FARP1: variants seen among roughly 807,000 people sequenced by gnomAD.
FARP1 encodes the protein FERM, ARHGEF and pleckstrin domain-containing protein 1.
FARP1 carries 52 observed loss-of-function variants against 128.8 expected under a neutral mutation model. The ratio of observed to expected loss-of-function variants is 0.40; its 90% CI spans 0.32 to 0.51. The LOEUF (loss-of-function observed/expected upper bound fraction) is 0.51, where lower values mean the gene tolerates loss of function less well. Among genes scored for constraint, FARP1 ranks in the 20% least tolerant of loss-of-function variants. The pLI is 0.45. For missense variants in FARP1, 1,333 were observed against 1,367.9 expected (o/e 0.97, Z 0.40); for synonymous variants, 580 against 551.8 (o/e 1.05, Z -0.72).
intron 19 of FARP1, 151 bp downstream of exon 19, chr13:98,435,857 G>A (rs1185895494): frequency 2.5e-6 from 2 of 816,264 alleles, no homozygotes; most frequent in African/African-American, 3.4e-5. Flanking sequence ...ACACAACAGT[G>A]TCGTTAGTTC....
chr13:98,439,027 A>G, intron 20 of FARP1, 80 bp from the exon 21 acceptor site: 7 of 1,387,292 alleles, frequency 5.0e-6, no homozygotes, highest in Non-Finnish European at 7.1e-6. Context: ...CAGTGAAGGC[A>G]CAGTTGAGGA....
intron 2 of FARP1, among the ~76,000 whole-genome samples, chr13:98,225,983 T>C (rs753019469): frequency 3.5e-5 from 5 of 143,814 alleles, no homozygotes; most frequent in Non-Finnish European, 6.2e-5. Context: ...TGCCATAGCA[T>C]TGGGGGAGCA....
At chr13:98,290,457 GC>G (rs1312567289) in intron 2 of FARP1, among the ~76,000 whole-genome samples, 1 of 151,980 alleles carries the variant, frequency 6.6e-6, no homozygotes, top group African/African-American at 2.4e-5. Flanking sequence ...ACGTGCAAAG[GC>G]CCTGAGGTAG....
intron 2 of FARP1, among the ~76,000 whole-genome samples, chr13:98,309,328 G>C (rs575975353): frequency 0.044 from 6,498 of 146,458 alleles, 501 homozygotes; most frequent in African/African-American, 0.15. Flanking sequence ...CATCACGCCC[G>C]GCTATTTTTT....
intron 2 of FARP1, among the ~76,000 whole-genome samples, chr13:98,244,286 A>G (rs928545424): frequency 6.6e-6 from 1 of 152,050 alleles, no homozygotes; most frequent in African/African-American, 2.4e-5. Flanking sequence ...TATCTGGTAT[A>G]TAAAAAATTG....
intron 16 of FARP1, among the ~76,000 whole-genome samples, chr13:98,416,833 G>A (rs3742140): frequency 0.13 from 20,322 of 151,988 alleles, 2,056 homozygotes; most frequent in East Asian, 0.3. Flanking sequence ...CTCCACTTAC[G>A]AGCCAGCTGG....
intron 2 of FARP1, among the ~76,000 whole-genome samples, chr13:98,283,346 A>G (rs1162840296): frequency 6.6e-6 from 1 of 152,224 alleles, no homozygotes; most frequent in African/African-American, 2.4e-5. Flanking sequence ...TTTGTCTTCA[A>G]ATTTTTTAGA....
chr13:98,318,639 C>T (rs1249357590), intron 2 of FARP1, among the ~76,000 whole-genome samples: 1 of 152,206 alleles, frequency 6.6e-6, no homozygotes, highest in Non-Finnish European at 1.5e-5. Flanking sequence ...GGCTGCCGCA[C>T]TTTCTCCATT....
chr13:98,306,531 T>C (rs935686348), intron 2 of FARP1, among the ~76,000 whole-genome samples: 4 of 152,092 alleles, frequency 2.6e-5, no homozygotes, highest in Admixed American at 2.0e-4. Context: ...CTTTTTTGTT[T>C]TGAGAAAGGA....
At chr13:98,303,390 G>C (rs568636964) in intron 2 of FARP1, among the ~76,000 whole-genome samples, 1 of 152,324 alleles carries the variant, frequency 6.6e-6, no homozygotes, top group Non-Finnish European at 1.5e-5. Flanking sequence ...TTTATAGCAT[G>C]TACATCTACT....
At chr13:98,278,168 A>AGTGTGT (rs1291047216) in intron 2 of FARP1, among the ~76,000 whole-genome samples, 4 of 131,588 alleles carry the variant, frequency 3.0e-5, no homozygotes, top group African/African-American at 1.2e-4. Context: ...TGTATGAGTG[A>AGTGTGT]GTGAGTGTGT....
intron 3 of FARP1, among the ~76,000 whole-genome samples, chr13:98,360,944 T>A (rs1888845415): frequency 6.6e-6 from 1 of 152,044 alleles, no homozygotes; most frequent in Non-Finnish European, 1.5e-5. Flanking sequence ...AAGCTTATGG[T>A]GTTTTTGTTA....
intron 2 of FARP1, among the ~76,000 whole-genome samples, chr13:98,240,005 C>CG (rs1566782633): frequency 6.6e-6 from 1 of 152,084 alleles, no homozygotes; most frequent in Non-Finnish European, 1.5e-5. Flanking sequence ...AGGTGATATC[C>CG]GTGGTGATCC....
rs568885859 is a variant in FARP1, at chr13:98,446,658, C to T, written c.2905-8C>T. 58 of 1,613,876 alleles carry T rather than the reference C, an allele frequency of 3.6e-5. No homozygotes were observed. In the East Asian group the frequency reaches 1.1e-3, roughly 31 times the overall value. On this transcript the variant is annotated splice_region_variant and splice_polypyrimidine_tract_variant and intron_variant, in intron 25 of 26. Coordinates refer to ENST00000319562, the MANE Select transcript of FARP1 (RefSeq NM_005766.4). Reference sequence around the variant, plus strand: ...GAAAAGCCACTTTGCTTTGTTTCCCCTTTCCAGGACAATCATCCCCTTGCC... The same window carrying T: ...GAAAAGCCACTTTGCTTTGTTTCCCTTTTCCAGGACAATCATCCCCTTGCC...
intron 2 of FARP1, among the ~76,000 whole-genome samples, chr13:98,336,054 TTAGCTCTCTCAGG>T (rs2139846305): frequency 6.6e-6 from 1 of 152,274 alleles, no homozygotes; most frequent in African/African-American, 2.4e-5. Flanking sequence ...AGGCAGTACT[TTAGCTCTCTCAGG>T]TAGGGAATTA....
intron 2 of FARP1, among the ~76,000 whole-genome samples, chr13:98,308,029 CTCTCTTTTTTT>C (rs1313220472): frequency 8.7e-6 from 1 of 114,930 alleles, no homozygotes; most frequent in African/African-American, 3.7e-5. Context: ...CCCCCACTCT[CTCTCTTTTTTT>C]TTTTTTTTTT....
intron 1 of FARP1, among the ~76,000 whole-genome samples, chr13:98,200,968 G>A (rs1423705090): frequency 6.6e-6 from 1 of 152,166 alleles, no homozygotes; most frequent in African/African-American, 2.4e-5. Context: ...TTTGATACAT[G>A]TATACAATGT....
chr13:98,151,660 C>CTTTTTTATTTTTTTTTTTTTTT (rs1876010830), intron 1 of FARP1, among the ~76,000 whole-genome samples: 1 of 69,224 alleles, frequency 1.4e-5, no homozygotes, highest in Non-Finnish European at 2.8e-5. Context: ...TATCTTCCAT[C>CTTTTTTATTTTTTTTTTTTTTT]TTTTTTTTTT....
intron 2 of FARP1, among the ~76,000 whole-genome samples, chr13:98,288,529 T>C (rs1398537932): frequency 6.6e-6 from 1 of 152,226 alleles, no homozygotes; most frequent in Non-Finnish European, 1.5e-5. Context: ...GCTTGTGGCC[T>C]CACTGTGTCC....
Sources: gnomAD v4.1 joint callset for allele counts (sites outside exome capture counted in the v4.1 genomes callset) on GRCh38, gnomAD v4.1.1 for gene constraint, MANE v1.5 for transcripts, NCBI Gene and HGNC (gene_info 2026-07-23, HGNC 2026-07-21) for gene names.